MOB4: variants seen among roughly 807,000 people sequenced by gnomAD.
MOB4 encodes the protein MOB-like protein phocein.
Under a neutral mutation model 32.2 loss-of-function variants are expected in MOB4, and 4 were observed. The ratio of observed to expected loss-of-function variants is 0.12; its 90% confidence interval spans 0.06 to 0.28. MOB4 has a LOEUF of 0.28. Ranked by LOEUF, MOB4 falls within the 10% of genes least tolerant of loss-of-function variation. MOB4 has a pLI of 1.00. For synonymous variants in MOB4, 88 were observed against 88.1 expected, an observed-to-expected ratio of 1.00 and a Z score of 0.01; for missense variants, 158 against 271.2, an observed-to-expected ratio of 0.58 and a Z score of 2.93.
intron 2 of MOB4, among the ~76,000 whole-genome samples, chr2:197,523,905 A>T (rs2086564189): frequency 6.6e-6 from 1 of 152,240 alleles, no homozygotes; most frequent in Admixed American, 6.5e-5. Context: ...TCGCATAGAG[A>T]AGATTCCACT....
intron 3 of MOB4, among the ~76,000 whole-genome samples, chr2:197,538,153 A>ATTTTT (rs2086835283): frequency 6.6e-6 from 1 of 150,412 alleles, no homozygotes; most frequent in African/African-American, 2.4e-5. Flanking sequence ...TTTTTTTCAG[A>ATTTTT]TCTAAGAAAA....
intron 2 of MOB4, 26 bp downstream of exon 2, chr2:197,523,712 C>T (rs751005457): frequency 1.3e-6 from 2 of 1,592,740 alleles, no homozygotes; most frequent in East Asian, 4.5e-5. Context: ...TCTTTTCACC[C>T]TGTGTCTTTT....
rs2087118606 is a variant in MOB4 at position 197,552,783 on chromosome 2, A to G, written c.*2137A>G. The stretch of plus-strand genomic sequence containing the variant: ...ACTTATATATACATAAATACTACTA[A>G]AAAATTAATGAGCCTGGCAAACCAT... On this transcript the variant is annotated 3_prime_UTR_variant, in exon 8 of 8. Coordinates refer to ENST00000323303, the MANE Select transcript of MOB4 (RefSeq NM_015387.5). 1 of 152,314 alleles carries G rather than the reference A, an allele frequency of 6.6e-6. No individual in the cohort carries two copies. 9.4% of individuals were successfully genotyped at this position (152,314 alleles called of 1,614,324 possible). A position where few individuals can be genotyped will look rare whatever the true frequency, so the allele number is the denominator to read the frequency against.
At chr2:197,516,348 A>AC in intron 1 of MOB4, 3 of 1,422,290 alleles carry the variant, frequency 2.1e-6, no homozygotes, top group Non-Finnish European at 2.8e-6. Flanking sequence ...CGGAGCTCCG[A>AC]CCCAGGGGTA....
At chr2:197,524,043 C>G (rs1271088626) in intron 2 of MOB4, among the ~76,000 whole-genome samples, 1 of 152,148 alleles carries the variant, frequency 6.6e-6, no homozygotes, top group African/African-American at 2.4e-5. Flanking sequence ...AGTTCAAGAC[C>G]AGCCTGAGCG....
intron 5 of MOB4, among the ~76,000 whole-genome samples, chr2:197,542,179 C>T (rs979247155): frequency 2.8e-4 from 42 of 152,302 alleles, no homozygotes; most frequent in Non-Finnish European, 4.9e-4. Context: ...AATATACTGT[C>T]ATTCTCATAT....
At chr2:197,545,318 C>T (rs1250291825) in intron 5 of MOB4, among the ~76,000 whole-genome samples, 1 of 152,180 alleles carries the variant, frequency 6.6e-6, no homozygotes, top group Non-Finnish European at 1.5e-5. Flanking sequence ...CTCCTATATA[C>T]TTTAAATCAT....
At chr2:197,539,652 T>G (rs935487191) in intron 3 of MOB4, among the ~76,000 whole-genome samples, 1 of 152,178 alleles carries the variant, frequency 6.6e-6, no homozygotes, top group Non-Finnish European at 1.5e-5. Flanking sequence ...TACCAACATT[T>G]TATTACCCTC....
intron 1 of MOB4, among the ~76,000 whole-genome samples, chr2:197,519,580 A>G (rs1488946502): frequency 6.6e-6 from 1 of 152,226 alleles, no homozygotes; most frequent in Non-Finnish European, 1.5e-5. Flanking sequence ...CCAAAAAGAA[A>G]GCCGGTACAT....
intron 2 of MOB4, among the ~76,000 whole-genome samples, chr2:197,533,319 A>G (rs893949770): frequency 1.3e-5 from 2 of 152,198 alleles, no homozygotes; most frequent in African/African-American, 2.4e-5. Context: ...TGGAGAAGGT[A>G]TACAATTTAG....
At chr2:197,534,573 C>T (rs948689786) in intron 2 of MOB4, among the ~76,000 whole-genome samples, 4 of 152,072 alleles carry the variant, frequency 2.6e-5, no homozygotes, top group South Asian at 2.1e-4. Flanking sequence ...GATGGAGTCT[C>T]ACTGTGTTGC....
intron 2 of MOB4, chr2:197,534,072 G>T: frequency 2.7e-6 from 1 of 372,740 alleles, no homozygotes; most frequent in Non-Finnish European, 5.2e-6. Context: ...AGTTGTACAT[G>T]CTGTATTGGA....
rs188765621 is a variant in MOB4, at chr2:197,544,491, C to T, written c.355-3845C>T. Among the ~76,000 whole-genome samples, 15 of 152,276 alleles carry T rather than the reference C, an allele frequency of 9.9e-5. No homozygotes were observed. In the East Asian group the frequency reaches 1.4e-3, roughly 14 times the overall value. On this transcript the variant is annotated intron_variant, in intron 5 of 7. Coordinates refer to ENST00000323303, the MANE Select transcript of MOB4 (RefSeq NM_015387.5). ...ATAGCTGTCTGGGCGCGGTGGCTCA[C>T]GCCTGTAATTCCAGCACTTGGGGAG... is the stretch of plus-strand genomic sequence containing the variant.
At position 197,523,499 on chromosome 2, in the gene MOB4, C is replaced by T. The variant is rs938430315; in HGVS notation, c.61-125C>T. 2.0e-5 allele frequency: 18 copies of T among 881,168 alleles called. No individual in the cohort carries two copies. In the African/African-American group the frequency reaches 3.0e-4, roughly 15 times the overall value. 54.6% of individuals were successfully genotyped at this position (881,168 alleles called of 1,614,324 possible). On this transcript the variant is annotated intron_variant, in intron 1 of 7. Coordinates refer to ENST00000323303, the MANE Select transcript of MOB4 (RefSeq NM_015387.5). ...TTGAATAAAATTTATTTCCTTATTTCACTGATAATTACATTGCAAAAGTTT... is the reference window on the plus strand; with the variant it reads ...TTGAATAAAATTTATTTCCTTATTTTACTGATAATTACATTGCAAAAGTTT...
intron 5 of MOB4, among the ~76,000 whole-genome samples, chr2:197,543,947 C>T (rs2086944078): frequency 6.6e-6 from 1 of 152,142 alleles, no homozygotes. Context: ...ACCCTATTGG[C>T]CAGGCTGGCC....
At chr2:197,526,106 C>G (rs2086607259) in intron 2 of MOB4, among the ~76,000 whole-genome samples, 1 of 152,176 alleles carries the variant, frequency 6.6e-6, no homozygotes, top group African/African-American at 2.4e-5. Context: ...GCATCTTTGT[C>G]TTCTTCCTGA....
intron 2 of MOB4, among the ~76,000 whole-genome samples, chr2:197,530,158 C>T (rs1212167449): frequency 1.3e-5 from 2 of 152,172 alleles, no homozygotes; most frequent in Admixed American, 6.5e-5. Context: ...TTAGTAGAGA[C>T]GGGGTTTCAC....
intron 2 of MOB4, among the ~76,000 whole-genome samples, chr2:197,530,948 T>C (rs945757013): frequency 1.1e-4 from 17 of 152,164 alleles, no homozygotes; most frequent in African/African-American, 4.1e-4. Context: ...TAGATTTCTT[T>C]GGGTTTATCT....
In MOB4 at chr2:197,552,678, A is replaced by G. The variant is rs2087117064; in HGVS notation, c.*2032A>G. On this transcript the variant is annotated 3_prime_UTR_variant, in exon 8 of 8. Transcript: ENST00000323303. Reference sequence around the variant, plus strand: ...GATAATCTTACTAATTGTGAAGTTGATTCACTACTATACTAGGTAAGACCT... The same window carrying G: ...GATAATCTTACTAATTGTGAAGTTGGTTCACTACTATACTAGGTAAGACCT... The G allele has an allele frequency of 6.6e-6, 1 of 152,342 alleles. No individual in the cohort carries two copies. The highest frequency in any genetic ancestry group is 1.5e-5 in the Non-Finnish European group (1 of 68,032). 9.4% of individuals were successfully genotyped at this position (152,342 alleles called of 1,614,324 possible).
Sources: gnomAD v4.1 joint callset for allele counts (sites outside exome capture counted in the v4.1 genomes callset) on GRCh38, gnomAD v4.1.1 for gene constraint, MANE v1.5 for transcripts, NCBI Gene and HGNC (gene_info 2026-07-23, HGNC 2026-07-21) for gene names.